LONRF1: variants seen among roughly 807,000 people sequenced by gnomAD.
LONRF1 encodes the protein LON peptidase N-terminal domain and ring finger 1, also known as LON peptidase N-terminal domain and RING finger protein 1.
A neutral mutation model predicts 85.8 loss-of-function variants in LONRF1; 37 were observed. That is an observed-to-expected ratio of 0.43 (90% CI 0.33 to 0.57). The LOEUF (loss-of-function observed/expected upper bound fraction) is 0.57, where lower values mean the gene tolerates loss of function less well. Ranked by LOEUF, LONRF1 falls within the 20% of genes least tolerant of loss-of-function variation. The pLI is 0.04. For missense variants in LONRF1, 1,036 were observed against 978.0 expected (o/e 1.06, Z -0.79); for synonymous variants, 517 against 390.1 (o/e 1.33, Z -3.83).
At chr8:12,748,468 A>AT (rs1192214269) in intron 1 of LONRF1, among the ~76,000 whole-genome samples, 1 of 152,200 alleles carries the variant, frequency 6.6e-6, no homozygotes, top group Non-Finnish European at 1.5e-5. Flanking sequence ...AAGTTTTGGC[A>AT]TTATATGCAT....
At chr8:12,725,454 TAAAA>T (rs1471813420) in intron 11 of LONRF1, among the ~76,000 whole-genome samples, 5 of 152,282 alleles carry the variant, frequency 3.3e-5, no homozygotes, top group African/African-American at 9.6e-5. Context: ...TACCCACTCC[TAAAA>T]ATCCTCTTAA....
At chr8:12,749,830 C>T (rs756267279) in intron 1 of LONRF1, among the ~76,000 whole-genome samples, 2 of 152,050 alleles carry the variant, frequency 1.3e-5, no homozygotes, top group Non-Finnish European at 1.5e-5. Context: ...AAGCAGTAAA[C>T]CCCATTTTCT....
intron 1 of LONRF1, among the ~76,000 whole-genome samples, chr8:12,744,848 G>A (rs1166087557): frequency 1.3e-5 from 2 of 149,350 alleles, no homozygotes; most frequent in African/African-American, 2.5e-5. Context: ...GTTCACTACT[G>A]CAACAAGCAG....
intron 10 of LONRF1, among the ~76,000 whole-genome samples, chr8:12,728,083 A>C (rs1470143323): frequency 1.3e-5 from 2 of 152,232 alleles, no homozygotes; most frequent in East Asian, 3.8e-4. Flanking sequence ...TATCCAATAA[A>C]TGCTGACGAA....
At chr8:12,753,344 T>G (rs1799485542) in intron 1 of LONRF1, 1 of 152,216 alleles carries the variant, frequency 6.6e-6, no homozygotes, top group South Asian at 2.1e-4. Flanking sequence ...TAAATTTACC[T>G]GTAATACCTA....
intron 3 of LONRF1, among the ~76,000 whole-genome samples, chr8:12,740,623 A>C (rs4625037): frequency 0.84 from 128,079 of 152,082 alleles, 54,385 homozygotes; most frequent in East Asian, 0.94. Context: ...AGTCTGGCTC[A>C]GATTGAACAA....
intron 6 of LONRF1, chr8:12,735,616 A>G (rs1431450344): frequency 4.4e-5 from 23 of 519,356 alleles, no homozygotes; most frequent in Non-Finnish European, 2.4e-5. Flanking sequence ...AAAGGCCTAG[A>G]GCCAAGGGCC....
At chr8:12,731,923 T>A in intron 7 of LONRF1, 66 bp from the exon 8 acceptor site, 2 of 1,423,666 alleles carry the variant, frequency 1.4e-6, no homozygotes, top group East Asian at 2.3e-5. Context: ...GGCAACACAG[T>A]TAACTGATAT....
At chr8:12,731,208 T>A (rs1183979112) in intron 8 of LONRF1, among the ~76,000 whole-genome samples, 1 of 151,962 alleles carries the variant, frequency 6.6e-6, no homozygotes, top group Non-Finnish European at 1.5e-5. Context: ...CCTCCGAGAT[T>A]TTCACCCTCC....
At position 12,722,873 on chromosome 8, in the gene LONRF1, G is replaced by T; in HGVS notation, c.*223C>A. On this transcript the variant is annotated 3_prime_UTR_variant, in exon 12 of 12. Transcript: ENST00000398246. Reference sequence around the variant, plus strand: ...CATAGTGCAACTTCACAATGTAGAGGTTCGACACACATTCAATGCGTGTTT... The same window carrying T: ...CATAGTGCAACTTCACAATGTAGAGTTTCGACACACATTCAATGCGTGTTT... The T allele has an allele frequency of 2.2e-6, 1 of 461,230 alleles. No homozygotes were observed. The highest frequency in any genetic ancestry group is 3.9e-6 in the Non-Finnish European group (1 of 255,980). 28.6% of individuals were successfully genotyped at this position (461,230 alleles called of 1,614,324 possible).
At chr8:12,730,526 C>G (rs1001422890) in intron 8 of LONRF1, among the ~76,000 whole-genome samples, 4 of 149,234 alleles carry the variant, frequency 2.7e-5, no homozygotes, top group East Asian at 2.2e-4. Context: ...CCTGTCGCTT[C>G]TCTTCTCTCC....
chr8:12,748,807 A>AT (rs58300554), intron 1 of LONRF1, among the ~76,000 whole-genome samples: 18,645 of 146,316 alleles, frequency 0.13, 1,398 homozygotes, highest in South Asian at 0.23. Flanking sequence ...CAGAATATCA[A>AT]TTTTTTTTTT....
At chr8:12,731,282 C>A (rs1159473890) in intron 8 of LONRF1, among the ~76,000 whole-genome samples, 1 of 152,144 alleles carries the variant, frequency 6.6e-6, no homozygotes, top group Non-Finnish European at 1.5e-5. Flanking sequence ...GCCCTGAACA[C>A]CCCTCTTCCA....
intron 10 of LONRF1, among the ~76,000 whole-genome samples, 186 bp downstream of exon 10, chr8:12,728,715 T>A (rs904172979): frequency 6.6e-6 from 1 of 152,184 alleles, no homozygotes; most frequent in Non-Finnish European, 1.5e-5. Flanking sequence ...TCTTCCAAGT[T>A]CTCTTAGAAT....
Position 12,755,104 on chromosome 8 carries a change from C to G in LONRF1, c.317G>C (p.Ser106Thr). 1 of 1,467,478 alleles carries G rather than the reference C, an allele frequency of 6.8e-7. No individual in the cohort carries two copies. The highest frequency in any genetic ancestry group is 3.0e-5 in the East Asian group (1 of 33,298). The allele number at this position is 1,467,478 out of a possible 1,614,324, so 90.9% of individuals were successfully genotyped here. A position where few individuals can be genotyped will look rare whatever the true frequency, so the allele number is the denominator to read the frequency against. Residue 106 changes from serine to threonine, a missense_variant, in exon 1 of 12, where the codon AGC becomes ACC. This residue lies in a region of LONRF1 where 742 missense variants were observed against 614.4 expected (regional missense o/e 1.21). Coordinates refer to ENST00000398246, the MANE Select transcript of LONRF1 (RefSeq NM_152271.5). ...GTCAGCGCCTGCAACCGGGGCCGCGCTCCAGCCCAGCCCGTGGCGGAGCCG... is the reference window on the plus strand; with the variant it reads ...GTCAGCGCCTGCAACCGGGGCCGCGGTCCAGCCCAGCCCGTGGCGGAGCCG... ...NYRLRHGLGW[S>T]AAPVAGADGG...
At chr8:12,747,642 C>A (rs1799215411) in intron 1 of LONRF1, among the ~76,000 whole-genome samples, 2 of 152,154 alleles carry the variant, frequency 1.3e-5, no homozygotes, top group Non-Finnish European at 2.9e-5. Context: ...TTAAAGAAAG[C>A]AGAAATAAGG....
At chr8:12,729,803 G>C (rs10216639) in intron 8 of LONRF1, among the ~76,000 whole-genome samples, 8,009 of 152,134 alleles carry the variant, frequency 0.053, 571 homozygotes, top group African/African-American at 0.16. Context: ...TCAAACGCAA[G>C]GATAAGAAAA....
chr8:12,738,852 C>T (rs370206404), intron 3 of LONRF1: 1 of 152,094 alleles, frequency 6.6e-6, no homozygotes, highest in South Asian at 2.1e-4. Context: ...GGTGGTCAAA[C>T]AATCTGTATT....
rs190043277 is a variant in LONRF1, at chr8:12,726,156, G to A, written c.2011-277C>T. Among the ~76,000 whole-genome samples, 173 of 152,324 alleles carry A rather than the reference G, an allele frequency of 1.1e-3. 1 individual carries two copies. Among genetic ancestry groups the A allele is most frequent in the African/African-American group, 3.9e-3 (163 of 41,574 alleles). ...CCCTACAACAGCCCTCAAGTGGGAA[G>A]AGTAAGATTGAGAGTGAGTTCTGGT... On this transcript the variant is annotated intron_variant, in intron 10 of 11. Coordinates refer to ENST00000398246, the MANE Select transcript of LONRF1 (RefSeq NM_152271.5).
Sources: allele counts gnomAD v4.1 joint callset (sites outside exome capture counted in the v4.1 genomes callset), GRCh38; gene constraint gnomAD v4.1.1; regional missense constraint gnomAD v4.1.1; transcripts MANE v1.5; gene names NCBI Gene and HGNC (gene_info 2026-07-23, HGNC 2026-07-21).